Variants in PUM1 observed in about 807,000 individuals in gnomAD.
The protein encoded by PUM1 is pumilio homolog 1.
A neutral mutation model predicts 131.8 loss-of-function variants in PUM1; 13 were observed. That is an observed-to-expected ratio of 0.10 (90% CI 0.06 to 0.16). The LOEUF (loss-of-function observed/expected upper bound fraction) is 0.16, where lower values mean the gene tolerates loss of function less well. PUM1 is among the 10% of genes least tolerant of loss of function. PUM1 has a pLI of 1.00. For missense variants in PUM1, 961 were observed against 1,512.4 expected (o/e 0.64, Z 6.05); for synonymous variants, 509 against 556.5 (o/e 0.91, Z 1.20).
At position 30,945,417 on chromosome 1, in the gene PUM1, C is replaced by T. The variant is rs1570097564; in HGVS notation, c.2923G>A (p.Val975Met). 6.2e-7 allele frequency: 1 copy of T among 1,614,162 alleles called. No homozygotes were observed. Residue 975 changes from valine (V) to methionine (M), a missense_variant, in exon 18 of 22, where the codon GTG (valine) becomes ATG (methionine). Val to Met is a conservative substitution (Grantham distance 21). Coordinates refer to ENST00000426105, the MANE Select transcript of PUM1 (RefSeq NM_001020658.2). The part of the protein sequence containing the change: ...KCVKDQNGNH[V>M]VQKCIECVQP... The stretch of plus-strand genomic sequence containing the variant: ...ACACATTCAATGCATTTCTGAACCA[C>T]GTGATTGCCATTCTGATCTTTCACA...
intron 3 of PUM1, among the ~76,000 whole-genome samples, 168 bp from the exon 4 acceptor site, chr1:31,007,270 G>C (rs2124510848): frequency 6.6e-6 from 1 of 152,222 alleles, no homozygotes; most frequent in South Asian, 2.1e-4. Flanking sequence ...CTATATATTT[G>C]GTAAAAGTCA....
intron 1 of PUM1, 66 bp from the exon 2 acceptor site, chr1:31,059,643 A>C: frequency 6.7e-7 from 1 of 1,494,944 alleles, no homozygotes; most frequent in Non-Finnish European, 9.0e-7. Flanking sequence ...ACACTAAGAT[A>C]AAAACATGAA....
At chr1:31,008,329 C>T (rs1036840031) in intron 3 of PUM1, among the ~76,000 whole-genome samples, 1 of 151,890 alleles carries the variant, frequency 6.6e-6, no homozygotes, top group South Asian at 2.1e-4. Flanking sequence ...ACTGCCTGGA[C>T]CAAAGCAGTT....
chr1:30,952,684 G>GA (rs1639989762), intron 15 of PUM1, among the ~76,000 whole-genome samples: 1 of 21,358 alleles, frequency 4.7e-5, no homozygotes, highest in Non-Finnish European at 7.9e-5. Context: ...CGGGGGGGGC[G>GA]GGGGGGGGGC....
intron 20 of PUM1, 88 bp downstream of exon 20, chr1:30,941,063 A>T: frequency 1.4e-6 from 2 of 1,397,876 alleles, no homozygotes; most frequent in South Asian, 2.9e-5. Flanking sequence ...AACAACAACA[A>T]CAACAACATT....
chr1:30,975,618 T>C (rs1231806032), intron 9 of PUM1, among the ~76,000 whole-genome samples: 3 of 150,152 alleles, frequency 2.0e-5, no homozygotes, highest in African/African-American at 7.3e-5. Context: ...GCCTCCCATA[T>C]TGCTGGGACT....
Position 30,967,350 on chromosome 1 carries a change from CA to C in PUM1, c.1646-41del, listed in dbSNP as rs768594481. 4.4e-5 allele frequency: 70 copies of C among 1,579,874 alleles called. 1 individual carries two copies. The African/African-American group carries it at 8.6e-4, about 19-fold the overall frequency. On this transcript the variant is annotated intron_variant, in intron 11 of 21. Coordinates refer to ENST00000426105, the MANE Select transcript of PUM1 (RefSeq NM_001020658.2). Reference sequence around the variant, plus strand: ...CCAACAAAGAAATGTATATGTTAAACAAACAAGTATCTCCTGGGCACCAACA... The same window carrying C: ...CCAACAAAGAAATGTATATGTTAAACAACAAGTATCTCCTGGGCACCAACA...
intron 10 of PUM1, among the ~76,000 whole-genome samples, chr1:30,969,337 GA>G (rs1179276877): frequency 3.9e-4 from 45 of 115,316 alleles, no homozygotes; most frequent in Non-Finnish European, 6.4e-4. Flanking sequence ...AAAAAAAAAA[GA>G]AAAAAAAAGA....
intron 21 of PUM1, 94 bp downstream of exon 21, chr1:30,936,540 ACAAACTCTT>A (rs1183727668): frequency 2.4e-5 from 27 of 1,140,492 alleles, no homozygotes; most frequent in Non-Finnish European, 3.3e-5. Flanking sequence ...GAGGTCAGTG[ACAAACTCTT>A]CAAAAACAGC....
At chr1:31,052,861 G>A (rs763338699) in intron 2 of PUM1, among the ~76,000 whole-genome samples, 59 of 151,034 alleles carry the variant, frequency 3.9e-4, no homozygotes, top group Non-Finnish European at 7.2e-4. Context: ...GCGCCACGAC[G>A]CCCGGCTGAT....
chr1:31,054,029 G>C (rs1479325977), intron 2 of PUM1, among the ~76,000 whole-genome samples: 2 of 148,406 alleles, frequency 1.3e-5, no homozygotes, highest in African/African-American at 4.9e-5. Flanking sequence ...AGGAGGCGGA[G>C]GTTGCAGTGA....
In PUM1 at chr1:30,992,522, G is replaced by A. The variant is rs1259379986; in HGVS notation, c.1026C>T (p.Ser342=). Reference sequence around the variant, plus strand: ...CCATGGGGTCCAAGGGGACACTCTGGGACTCCATGTTGGAGAAATCCTCCA... The same window carrying A: ...CCATGGGGTCCAAGGGGACACTCTGAGACTCCATGTTGGAGAAATCCTCCA... ...KPVEDFSNME[S]QSVPLDPMEH... The change falls in exon 7 of 22, where the codon TCC becomes TCT. Residue 342 remains serine, a synonymous_variant. Transcript: ENST00000426105. 1 of 1,614,098 alleles carries A rather than the reference G, an allele frequency of 6.2e-7. No homozygotes were observed. The highest frequency in any genetic ancestry group is 8.5e-7 in the Non-Finnish European group (1 of 1,180,046).
At chr1:30,968,326 A>C (rs895191600) in intron 11 of PUM1, 28 bp downstream of exon 11, 6 of 1,585,376 alleles carry the variant, frequency 3.8e-6, no homozygotes, top group South Asian at 3.4e-5. Context: ...TCCCTGCCAA[A>C]GTATTAGGAA....
chr1:31,041,859 C>A (rs1224889780), intron 2 of PUM1, among the ~76,000 whole-genome samples: 3 of 152,064 alleles, frequency 2.0e-5, no homozygotes, highest in African/African-American at 7.2e-5. Context: ...AATGGACTAA[C>A]ATACTTTTTT....
chr1:30,950,010 A>G (rs1417632971), intron 17 of PUM1, 117 bp downstream of exon 17: 2 of 1,211,794 alleles, frequency 1.7e-6, no homozygotes, highest in Non-Finnish European at 2.3e-6. Context: ...AAAGGCAGCC[A>G]TAAGCAACAA....
chr1:30,974,951 T>C, intron 9 of PUM1, 149 bp from the exon 10 acceptor site: 1 of 574,966 alleles, frequency 1.7e-6, no homozygotes, highest in Non-Finnish European at 2.9e-6. Flanking sequence ...ATTAACTCTT[T>C]TTAAAGAATA....
At chr1:31,021,066 A>G (rs1173314651) in intron 3 of PUM1, among the ~76,000 whole-genome samples, 1 of 152,252 alleles carries the variant, frequency 6.6e-6, no homozygotes, top group East Asian at 1.9e-4. Flanking sequence ...CAGATGGCCC[A>G]GAGAAAGTAC....
rs1419635976 is a variant in PUM1 at position 31,011,515 on chromosome 1, A to G, written c.433-4413T>C. Among the ~76,000 whole-genome samples, 3 of 152,226 alleles carry G rather than the reference A, an allele frequency of 2.0e-5. No individual in the cohort carries two copies. The East Asian group carries it at 5.8e-4, about 29-fold the overall frequency. ...AGCTAAAAGATACCTAACTGTTCAAATCTGATCATATTAAAAGGAGTTAGA... is the reference window on the plus strand; with the variant it reads ...AGCTAAAAGATACCTAACTGTTCAAGTCTGATCATATTAAAAGGAGTTAGA... On this transcript the variant is annotated intron_variant, in intron 3 of 21. Transcript: ENST00000426105.
chr1:30,981,734 T>C (rs1031609996), intron 7 of PUM1, among the ~76,000 whole-genome samples: 2 of 152,102 alleles, frequency 1.3e-5, no homozygotes, highest in African/African-American at 2.4e-5. Context: ...TATATCTATC[T>C]ATATATCTCA....
Sources: allele counts gnomAD v4.1 joint callset (sites outside exome capture counted in the v4.1 genomes callset), GRCh38; gene constraint gnomAD v4.1.1; transcripts MANE v1.5; gene names NCBI Gene and HGNC (gene_info 2026-07-23, HGNC 2026-07-21).